Variants in EPB41 observed in about 807,000 individuals in gnomAD.
EPB41 encodes the protein erythrocyte membrane protein band 4.1, also known as protein 4.1.
A neutral mutation model predicts 108.0 loss-of-function variants in EPB41; 65 were observed. The ratio of observed to expected loss-of-function variants is 0.60; its 90% CI spans 0.49 to 0.74. The LOEUF is 0.74. EPB41 is among the 30% of genes least tolerant of loss of function. The pLI is 0.00. For synonymous variants in EPB41, 336 were observed against 358.9 expected (o/e 0.94, Z 0.72); for missense variants, 875 against 1,037.0 (o/e 0.84, Z 2.15).
In EPB41 at chr1:29,065,158, A is replaced by G; in HGVS notation, c.2184A>G (p.Gly728=). 1 of 1,589,804 alleles carries G rather than the reference A, an allele frequency of 6.3e-7. No homozygotes were observed. The highest frequency in any genetic ancestry group is 8.6e-7 in the Non-Finnish European group (1 of 1,166,120). The change falls in exon 16 of 21, where the codon GGA becomes GGG. Residue 728 remains glycine (G), a splice_region_variant and synonymous_variant. Coordinates refer to ENST00000343067, the MANE Select transcript of EPB41 (RefSeq NM_001376013.1). ...ATGGGCAAATCCCCACAGGAGAAGG[A>G]GTGAGTACTTTGTCCACATGACCAA... is the stretch of plus-strand genomic sequence containing the variant. The part of the protein sequence containing the change: ...NINGQIPTGE[G]PPLVKTQTVT...
intron 1 of EPB41, among the ~76,000 whole-genome samples, 160 bp downstream of exon 1, chr1:28,914,928 C>A (rs1262727051): frequency 6.6e-6 from 1 of 151,720 alleles, no homozygotes; most frequent in Non-Finnish European, 1.5e-5. Flanking sequence ...GGAGGAGCCT[C>A]GTGTGCACGC....
intron 1 of EPB41, among the ~76,000 whole-genome samples, chr1:28,938,015 A>G (rs2094118605): frequency 1.3e-5 from 2 of 152,204 alleles, no homozygotes; most frequent in South Asian, 2.1e-4. Flanking sequence ...ATATAGATGT[A>G]TGAGTTTATT....
intron 1 of EPB41, among the ~76,000 whole-genome samples, chr1:28,979,491 A>G (rs1474680857): frequency 6.6e-6 from 1 of 151,514 alleles, no homozygotes; most frequent in Non-Finnish European, 1.5e-5. Flanking sequence ...TCATTACAGA[A>G]TAAAAAGAAT....
chr1:28,963,021 C>T (rs1171725008), intron 1 of EPB41, among the ~76,000 whole-genome samples: 2 of 151,960 alleles, frequency 1.3e-5, no homozygotes, highest in East Asian at 1.9e-4. Context: ...TTTTAGATAT[C>T]TTTGCATTCT....
At chr1:28,973,094 T>C (rs1431231633) in intron 1 of EPB41, among the ~76,000 whole-genome samples, 3 of 152,166 alleles carry the variant, frequency 2.0e-5, no homozygotes, top group East Asian at 3.9e-4. Flanking sequence ...TTTTGGGGGA[T>C]TGATTTTTAT....
intron 1 of EPB41, among the ~76,000 whole-genome samples, chr1:28,975,793 C>G (rs1047240488): frequency 6.6e-6 from 1 of 151,720 alleles, no homozygotes; most frequent in Admixed American, 6.6e-5. Flanking sequence ...ACGGTGAAAC[C>G]CCGTCTCTAA....
intron 16 of EPB41, among the ~76,000 whole-genome samples, chr1:29,068,173 G>A (rs1456992102): frequency 1.3e-5 from 2 of 152,176 alleles, no homozygotes; most frequent in African/African-American, 4.8e-5. Flanking sequence ...CTAAAATTCT[G>A]TAAGTCTGTG....
At chr1:28,896,844 T>G (rs1402924598) in intron 1 of EPB41, among the ~76,000 whole-genome samples, 1 of 152,030 alleles carries the variant, frequency 6.6e-6, no homozygotes, top group Non-Finnish European at 1.5e-5. Flanking sequence ...GAAGTCTGTT[T>G]AGGAGGCAGA....
At chr1:29,041,020 C>T (rs1397798271) in intron 11 of EPB41, among the ~76,000 whole-genome samples, 7 of 151,758 alleles carry the variant, frequency 4.6e-5, no homozygotes, top group South Asian at 2.1e-4. Context: ...TCTGTAATCC[C>T]AGCTACACAG....
intron 11 of EPB41, among the ~76,000 whole-genome samples, chr1:29,044,844 C>T (rs1289370786): frequency 4.6e-5 from 7 of 151,964 alleles, no homozygotes; most frequent in South Asian, 2.1e-4. Context: ...AGTGAGACTC[C>T]GTCTCAAAAA....
intron 16 of EPB41, among the ~76,000 whole-genome samples, chr1:29,066,737 G>T (rs919665459): frequency 1.3e-5 from 2 of 151,946 alleles, no homozygotes; most frequent in East Asian, 2.0e-4. Flanking sequence ...GCAATGGCAC[G>T]ATCTTGGCTC....
chr1:29,058,690 C>T, intron 13 of EPB41, 45 bp downstream of exon 13: 3 of 1,591,682 alleles, frequency 1.9e-6, no homozygotes, highest in Non-Finnish European at 2.6e-6. Flanking sequence ...TCCACCCCCT[C>T]AGTTTTTTTC....
intron 17 of EPB41, among the ~76,000 whole-genome samples, chr1:29,108,472 C>A (rs1667990644): frequency 6.6e-6 from 1 of 151,820 alleles, no homozygotes; most frequent in Non-Finnish European, 1.5e-5. Flanking sequence ...CTGATCCATT[C>A]CTGTCACTGA....
At chr1:28,959,254 G>C (rs1291198044) in intron 1 of EPB41, among the ~76,000 whole-genome samples, 2 of 123,268 alleles carry the variant, frequency 1.6e-5, no homozygotes, top group Non-Finnish European at 3.1e-5. Context: ...GTCTCGCTCT[G>C]TTGCCAGGCT....
chr1:28,995,914 A>G (rs1251393879), intron 3 of EPB41, among the ~76,000 whole-genome samples: 1 of 152,230 alleles, frequency 6.6e-6, no homozygotes. Flanking sequence ...AAGACTGACA[A>G]TGAATGAACA....
intron 11 of EPB41, among the ~76,000 whole-genome samples, chr1:29,051,389 G>A (rs1448293909): frequency 3.3e-5 from 5 of 151,682 alleles, no homozygotes; most frequent in African/African-American, 1.2e-4. Flanking sequence ...GTGAGCCACC[G>A]TGCCTGGCCA....
intron 18 of EPB41, chr1:29,109,812 T>A (rs1668540898): frequency 3.0e-6 from 1 of 338,876 alleles, no homozygotes; most frequent in South Asian, 2.5e-5. Context: ...GGCAGGTGGA[T>A]CACCTGAGAT....
At chr1:28,891,857 G>C (rs986712622) in intron 1 of EPB41, among the ~76,000 whole-genome samples, 2 of 152,080 alleles carry the variant, frequency 1.3e-5, no homozygotes, top group Admixed American at 6.6e-5. Flanking sequence ...GGGAGGCCAA[G>C]GTGGGCGGGT....
At chr1:29,001,365 T>G (rs1368679214) in intron 4 of EPB41, among the ~76,000 whole-genome samples, 1 of 149,612 alleles carries the variant, frequency 6.7e-6, no homozygotes, top group Admixed American at 6.6e-5. Context: ...GTCACAGTTG[T>G]CTAGTCTGGA....
Sources: allele counts gnomAD v4.1 joint callset (sites outside exome capture counted in the v4.1 genomes callset), GRCh38; gene constraint gnomAD v4.1.1; transcripts MANE v1.5; gene names NCBI Gene and HGNC (gene_info 2026-07-23, HGNC 2026-07-21).